ZNF331: variants seen among roughly 807,000 people sequenced by gnomAD.
ZNF331 encodes the protein C2H2-like zinc finger protein rearranged in thyroid adenomas.
Under a neutral mutation model 7.0 loss-of-function variants are expected in ZNF331, and 2 were observed. That is an observed-to-expected ratio of 0.29 (90% CI 0.12 to 0.90). The LOEUF (loss-of-function observed/expected upper bound fraction) is 0.90. Ranked by LOEUF, ZNF331 falls within the 40% of genes least tolerant of loss-of-function variation. ZNF331 has a pLI of 0.58. For missense variants in ZNF331, 432 were observed against 587.7 expected (o/e 0.74, Z 2.74); for synonymous variants, 196 against 205.4 (o/e 0.95, Z 0.39).
At chr19:53,533,734 TATA>T (rs1371294610), upstream of ZNF331, among the ~76,000 whole-genome samples, 1 of 152,252 alleles carries the variant, frequency 6.6e-6, no homozygotes, top group Non-Finnish European at 1.5e-5. Flanking sequence ...TTTATAATTC[TATA>T]ATGACTTTCT....
intron 2 of ZNF331, among the ~76,000 whole-genome samples, chr19:53,531,604 C>T (rs940034077): frequency 6.6e-6 from 1 of 152,168 alleles, no homozygotes; most frequent in South Asian, 2.1e-4. Flanking sequence ...GAAAGTAGAT[C>T]GTTTGAGTAC....
At chr19:53,564,685 A>G (rs2090072625) in intron 3 of ZNF331, among the ~76,000 whole-genome samples, 1 of 152,238 alleles carries the variant, frequency 6.6e-6, no homozygotes, top group Non-Finnish European at 1.5e-5. Flanking sequence ...CCATATCATT[A>G]TATAACATTA....
At chr19:53,541,759 C>A (rs2088192422) in intron 2 of ZNF331, among the ~76,000 whole-genome samples, 1 of 152,180 alleles carries the variant, frequency 6.6e-6, no homozygotes, top group South Asian at 2.1e-4. Context: ...AAATGGCCAG[C>A]ACTTTGGGAG....
In ZNF331 at chr19:53,571,052, G is replaced by C. The variant is rs2090422860; in HGVS notation, c.10-552G>C. On this transcript the variant is annotated intron_variant, in intron 4 of 5. Coordinates refer to ENST00000449416, the MANE Select transcript of ZNF331 (RefSeq NM_001079906.2). This position sits in a 1 kb window ranked among gnomAD's most constrained non-coding sequence, Gnocchi z 4.7. ...TTTTTTGTATTTTTAGTAGAGATGGGGTTTCACCATGTTTGCCAGGATGGT... is the reference window on the plus strand; with the variant it reads ...TTTTTTGTATTTTTAGTAGAGATGGCGTTTCACCATGTTTGCCAGGATGGT... 6.7e-6 allele frequency among the ~76,000 whole-genome samples: 1 copy of C among 150,336 alleles called. No individual in the cohort carries two copies. The highest frequency in any genetic ancestry group is 2.5e-5 in the African/African-American group (1 of 40,812).
At chr19:53,548,276 T>A (rs1356054651) in intron 2 of ZNF331, among the ~76,000 whole-genome samples, 1 of 150,834 alleles carries the variant, frequency 6.6e-6, no homozygotes, top group African/African-American at 2.4e-5. Flanking sequence ...CCCGGCTAAT[T>A]TTTTTTTTGT....
At position 53,528,247 on chromosome 19, in the gene ZNF331, A is replaced by G. The variant is rs895581880; in HGVS notation, c.-205+5563A>G. ...CGTTTTTGCTAATTCTGCTGATTCA[A>G]ATAAATTCATGCTTAACATCAGGCT... On this transcript the variant is annotated intron_variant, in intron 2 of 6. Coordinates refer to the ZNF331 transcript ENST00000253144. Among the ~76,000 whole-genome samples the G allele has an allele frequency of 7.9e-5, 12 of 152,328 alleles. No homozygotes were observed. The East Asian group carries it at 2.3e-3, about 29-fold the overall frequency.
At chr19:53,521,635 G>A (rs1443789611) in exon 1 of ZNF331, 2 of 152,586 alleles carry the variant, frequency 1.3e-5, no homozygotes, top group African/African-American at 4.8e-5. Flanking sequence ...TGCTGGTGGG[G>A]TCTGCAGAGG....
At chr19:53,504,455 C>A in the ZNF331 span, among the ~76,000 whole-genome samples, 1 of 150,686 alleles carries the variant, frequency 6.6e-6, no homozygotes, top group Non-Finnish European at 1.5e-5. Context: ...TCCTGATCCC[C>A]CCTCCACCCA....
chr19:53,516,941 G>T (rs1269598710), upstream of ZNF331, among the ~76,000 whole-genome samples: 1 of 152,138 alleles, frequency 6.6e-6, no homozygotes, highest in Non-Finnish European at 1.5e-5. Context: ...TTGAGAATTT[G>T]TATACCAAAT....
chr19:53,550,801 T>G (rs1015210946), intron 2 of ZNF331, among the ~76,000 whole-genome samples: 1 of 151,496 alleles, frequency 6.6e-6, no homozygotes, highest in Non-Finnish European at 1.5e-5. Context: ...CCTCCCAAAG[T>G]GCTAAGATTA....
chr19:53,544,257 A>G (rs554921581), intron 2 of ZNF331, among the ~76,000 whole-genome samples: 1 of 140,636 alleles, frequency 7.1e-6, no homozygotes, highest in Non-Finnish European at 1.5e-5. Context: ...AAGAATCGAT[A>G]TTATTAGGCC....
the ZNF331 span, among the ~76,000 whole-genome samples, chr19:53,506,249 G>T: frequency 1.6e-5 from 2 of 127,642 alleles, no homozygotes; most frequent in African/African-American, 3.1e-5. Context: ...GCAGGAGAAT[G>T]GCGTGAACCC....
At chr19:53,520,848 C>T (rs1214982945), upstream of ZNF331, 1 of 152,048 alleles carries the variant, frequency 6.6e-6, no homozygotes, top group Non-Finnish European at 1.5e-5. Context: ...CTGGGAAATC[C>T]TGACAGCCGC....
chr19:53,521,184 G>C (rs903130255), exon 1 of ZNF331: 2 of 152,338 alleles, frequency 1.3e-5, no homozygotes, highest in Admixed American at 1.3e-4. Context: ...CTCGAGCCGG[G>C]AGCTATTTGC....
In ZNF331 at chr19:53,578,772, G is replaced by T. The variant is rs1055991612; in HGVS notation, c.*820G>T. 4 of 205,022 alleles carry T rather than the reference G, an allele frequency of 2.0e-5. No homozygotes were observed. The highest frequency in any genetic ancestry group is 1.9e-4 in the South Asian group (1 of 5,268). The allele number at this position is 205,022 out of a possible 1,614,324, so 12.7% of individuals were successfully genotyped here. A position where few individuals can be genotyped will look rare whatever the true frequency, so the allele number is the denominator to read the frequency against. On this transcript the variant is annotated 3_prime_UTR_variant, in exon 6 of 6. Coordinates refer to ENST00000449416, the MANE Select transcript of ZNF331 (RefSeq NM_001079906.2). The stretch of plus-strand genomic sequence containing the variant: ...AGGAAAATTCCTGGTACAGTTTAAC[G>T]TAAGGCTTCACTGATCACTGTTGTT...
chr19:53,528,317 T>G (rs565389761), intron 2 of ZNF331, among the ~76,000 whole-genome samples: 1 of 152,162 alleles, frequency 6.6e-6, no homozygotes, highest in Admixed American at 6.5e-5. Flanking sequence ...GATAGCTGAT[T>G]GAGAAGCACA....
chr19:53,560,260 C>T lies in ZNF331; in HGVS notation c.-74+4352C>T, dbSNP rs1039227742. Among the ~76,000 whole-genome samples the T allele has an allele frequency of 6.7e-6, 1 of 149,460 alleles. No homozygotes were observed. Among genetic ancestry groups the T allele is most frequent in the Non-Finnish European group, 1.5e-5 (1 of 67,372 alleles). On this transcript the variant is annotated intron_variant, in intron 3 of 5. Coordinates refer to ENST00000449416, the MANE Select transcript of ZNF331 (RefSeq NM_001079906.2). This position sits in a 1 kb window ranked among gnomAD's most constrained non-coding sequence, Gnocchi z 4.3. ...CACCATATATACACACACCATGCAC[C>T]CACATATATACACACACCATATATA...
chr19:53,519,626 C>T (rs185239143), upstream of ZNF331, among the ~76,000 whole-genome samples: 3 of 152,328 alleles, frequency 2.0e-5, no homozygotes, highest in Non-Finnish European at 2.9e-5. Flanking sequence ...CCATACAGCC[C>T]AGGCCTCTCC....
chr19:53,523,230 T>A (rs2087156203), intron 2 of ZNF331: 1 of 151,946 alleles, frequency 6.6e-6, no homozygotes, highest in African/African-American at 2.4e-5. Flanking sequence ...ATATTTTTTT[T>A]TTATTTTTTT....
Sources: gnomAD v4.1 joint callset for allele counts (sites outside exome capture counted in the v4.1 genomes callset) on GRCh38, gnomAD v4.1.1 for gene constraint, Gnocchi (gnomAD v3.1) non-coding constraint, MANE v1.5 for transcripts, NCBI Gene and HGNC (gene_info 2026-07-23, HGNC 2026-07-21) for gene names.